Variants in ADGRV1 observed in about 807,000 individuals in gnomAD.
The protein encoded by ADGRV1 is G-protein coupled receptor 98.
ADGRV1 carries 359 observed loss-of-function variants against 596.2 expected under a neutral mutation model. The ratio of observed to expected loss-of-function variants is 0.60; its 90% confidence interval spans 0.55 to 0.66. The LOEUF is 0.66. Ranked by LOEUF, ADGRV1 falls within the 30% of genes least tolerant of loss-of-function variation. ADGRV1 has a pLI of 0.00. For missense variants in ADGRV1, 7,274 were observed against 7,575.6 expected, an observed-to-expected ratio of 0.96 and a Z score of 1.48; for synonymous variants, 2,681 against 2,679.2, an observed-to-expected ratio of 1.00 and a Z score of -0.02.
chr5:90,978,177 C>A (rs1024092371), intron 84 of ADGRV1, among the ~76,000 whole-genome samples: 6 of 151,922 alleles, frequency 3.9e-5, no homozygotes, highest in Non-Finnish European at 7.4e-5. Flanking sequence ...CGCCTGTAGT[C>A]CCAGCTACTA....
intron 85 of ADGRV1, among the ~76,000 whole-genome samples, chr5:91,001,657 G>A (rs553200626): frequency 5.4e-4 from 82 of 152,076 alleles, no homozygotes; most frequent in African/African-American, 1.8e-3. Context: ...TATTTGCCAC[G>A]CTTTGTGATT....
intron 83 of ADGRV1, among the ~76,000 whole-genome samples, chr5:90,900,246 C>T (rs1313760639): frequency 1.3e-5 from 2 of 151,384 alleles, no homozygotes; most frequent in South Asian, 4.2e-4. Flanking sequence ...AATTTTCTGT[C>T]CATCCATTTA....
chr5:90,622,279 C>T (rs1337414738), intron 4 of ADGRV1, among the ~76,000 whole-genome samples: 1 of 152,188 alleles, frequency 6.6e-6, no homozygotes, highest in African/African-American at 2.4e-5. Context: ...TCCTGGGCCC[C>T]TGTGAGCATT....
intron 85 of ADGRV1, among the ~76,000 whole-genome samples, chr5:91,000,212 A>G (rs1233558540): frequency 2.0e-5 from 3 of 152,108 alleles, no homozygotes; most frequent in African/African-American, 7.2e-5. Context: ...TCAATGTTAT[A>G]TTATTAGAAT....
At chr5:90,923,782 C>G (rs1056352873) in intron 83 of ADGRV1, among the ~76,000 whole-genome samples, 1 of 148,914 alleles carries the variant, frequency 6.7e-6, no homozygotes, top group Non-Finnish European at 1.5e-5. Flanking sequence ...CCTCCCCCTG[C>G]CCCCCACCCC....
At chr5:90,906,088 A>G (rs1561921778) in intron 83 of ADGRV1, among the ~76,000 whole-genome samples, 1 of 152,124 alleles carries the variant, frequency 6.6e-6, no homozygotes, top group East Asian at 1.9e-4. Flanking sequence ...CCACTTGACC[A>G]TGATGAATAA....
At chr5:90,700,397 G>A (rs1215392997) in intron 34 of ADGRV1, among the ~76,000 whole-genome samples, 1 of 152,094 alleles carries the variant, frequency 6.6e-6, no homozygotes, top group African/African-American at 2.4e-5. Context: ...ACAATGTATT[G>A]AATTCTGTAG....
intron 70 of ADGRV1, among the ~76,000 whole-genome samples, chr5:90,800,233 A>G (rs1394770373): frequency 1.3e-5 from 2 of 152,060 alleles, no homozygotes; most frequent in African/African-American, 4.8e-5. Context: ...AATTTACAAG[A>G]AAAAAAACAA....
intron 51 of ADGRV1, 110 bp from the exon 52 acceptor site, chr5:90,745,481 G>A: frequency 1.2e-6 from 1 of 824,574 alleles, no homozygotes; most frequent in Non-Finnish European, 1.9e-6. Flanking sequence ...GTTATGAAAT[G>A]TTGTGATTCT....
intron 77 of ADGRV1, among the ~76,000 whole-genome samples, chr5:90,833,066 G>T (rs957723990): frequency 1.9e-4 from 29 of 152,112 alleles, no homozygotes; most frequent in African/African-American, 5.8e-4. Flanking sequence ...TTTTGCTCAG[G>T]ATAGCTTTGG....
chr5:90,882,244 A>G (rs1424983719), intron 83 of ADGRV1, among the ~76,000 whole-genome samples: 1 of 152,196 alleles, frequency 6.6e-6, no homozygotes, highest in African/African-American at 2.4e-5. Context: ...GCCTTTCTGA[A>G]AGTAGTTTTC....
At chr5:90,920,275 G>T (rs1193578596) in intron 83 of ADGRV1, among the ~76,000 whole-genome samples, 1 of 152,098 alleles carries the variant, frequency 6.6e-6, no homozygotes, top group Non-Finnish European at 1.5e-5. Context: ...TTTTATAAGG[G>T]CAGGAATCCT....
At chr5:91,115,990 G>A (rs114130808) in intron 87 of ADGRV1, among the ~76,000 whole-genome samples, 1,690 of 151,890 alleles carry the variant, frequency 0.011, 35 homozygotes, top group African/African-American at 0.038. Flanking sequence ...AACACAAAGG[G>A]CAACTACAAC....
intron 85 of ADGRV1, among the ~76,000 whole-genome samples, chr5:91,002,413 C>A (rs1238748183): frequency 6.6e-6 from 1 of 152,128 alleles, no homozygotes; most frequent in Non-Finnish European, 1.5e-5. Flanking sequence ...ATTTTGGATT[C>A]TGCAGTGTCA....
chr5:90,938,345 T>G (rs1775888610), intron 83 of ADGRV1, among the ~76,000 whole-genome samples: 1 of 152,236 alleles, frequency 6.6e-6, no homozygotes, highest in African/African-American at 2.4e-5. Context: ...GCTATTCTTA[T>G]TTAGATTGGC....
chr5:90,601,884 T>G (rs933615519), intron 1 of ADGRV1, among the ~76,000 whole-genome samples: 1 of 152,130 alleles, frequency 6.6e-6, no homozygotes, highest in African/African-American at 2.4e-5. Context: ...GGAAATATAG[T>G]AAAAACCAGC....
chr5:91,009,871 C>T (rs895774546), intron 85 of ADGRV1, among the ~76,000 whole-genome samples: 1 of 151,868 alleles, frequency 6.6e-6, no homozygotes. Context: ...AAATTAAGGA[C>T]ATACAATTAA....
intron 78 of ADGRV1, among the ~76,000 whole-genome samples, chr5:90,842,893 T>G (rs1365372479): frequency 3.3e-5 from 5 of 152,176 alleles, no homozygotes; most frequent in East Asian, 1.9e-4. Flanking sequence ...CTTTTTTATA[T>G]GTACATCAAT....
intron 1 of ADGRV1, among the ~76,000 whole-genome samples, chr5:90,602,706 G>A (rs1761566479): frequency 6.6e-6 from 1 of 152,142 alleles, no homozygotes; most frequent in Non-Finnish European, 1.5e-5. Flanking sequence ...ATGTGATCCT[G>A]GAACAGAAAA....
Sources: allele counts gnomAD v4.1 joint callset (sites outside exome capture counted in the v4.1 genomes callset), GRCh38; gene constraint gnomAD v4.1.1; transcripts MANE v1.5; gene names NCBI Gene and HGNC (gene_info 2026-07-23, HGNC 2026-07-21).